Variants in ZFYVE9 observed in about 807,000 individuals in gnomAD.
ZFYVE9 encodes zinc finger FYVE domain-containing protein 9.
In ZFYVE9, 43 loss-of-function variants were observed where a neutral mutation model predicts 126.7. That is an observed-to-expected ratio of 0.34 (90% CI 0.27 to 0.44). The LOEUF (loss-of-function observed/expected upper bound fraction) is 0.44, where lower values mean the gene tolerates loss of function less well. Ranked by LOEUF, ZFYVE9 falls within the 20% of genes least tolerant of loss-of-function variation. The pLI is 1.00. For synonymous variants in ZFYVE9, 521 were observed against 597.4 expected (o/e 0.87, Z 1.87); for missense variants, 1,476 against 1,697.0 (o/e 0.87, Z 2.29).
chr1:52,303,685 A>T, intron 12 of ZFYVE9, 136 bp from the exon 13 acceptor site: 1 of 497,732 alleles, frequency 2.0e-6, no homozygotes, highest in Non-Finnish European at 3.4e-6. Flanking sequence ...GGCTTTCATT[A>T]TACATTTCCT....
chr1:52,274,136 A>C (rs995063035), intron 7 of ZFYVE9, among the ~76,000 whole-genome samples: 1 of 152,166 alleles, frequency 6.6e-6, no homozygotes, highest in African/African-American at 2.4e-5. Flanking sequence ...TTCTTTTGCC[A>C]CTACAGTTTT....
intron 2 of ZFYVE9, among the ~76,000 whole-genome samples, chr1:52,219,938 C>T (rs571127561): frequency 1.1e-4 from 16 of 151,980 alleles, no homozygotes; most frequent in Admixed American, 3.9e-4. Context: ...CCACCACGCC[C>T]GGCTAATTTT....
chr1:52,278,694 C>G (rs1645772448), intron 9 of ZFYVE9, 80 bp downstream of exon 9: 3 of 875,876 alleles, frequency 3.4e-6, no homozygotes, highest in Non-Finnish European at 5.0e-6. Flanking sequence ...TTATTACACA[C>G]AAGTATTTTT....
Position 52,332,820 on chromosome 1 carries a change from G to A in ZFYVE9, c.3491G>A (p.Cys1164Tyr). The part of the protein sequence containing the change: ...SNEHVLAGGA[C>Y]FNEKADSHLV... Reference sequence around the variant, plus strand: ...GAGCATGTCCTGGCAGGAGGTGCCTGCTTCAATGAAAAGGCAGACTCTCAT... The same window carrying A: ...GAGCATGTCCTGGCAGGAGGTGCCTACTTCAATGAAAAGGCAGACTCTCAT... The change falls in exon 14 of 19, where the codon TGC becomes TAC. Residue 1164 changes from cysteine (C) to tyrosine (Y), a missense_variant. Cys to Tyr is a radical substitution (Grantham distance 194, BLOSUM62 -2). This residue lies in a region of ZFYVE9 where 669 missense variants were observed against 902.4 expected (regional missense o/e 0.74). Transcript: ENST00000287727. 6.2e-7 allele frequency: 1 copy of A among 1,614,116 alleles called. No individual in the cohort carries two copies. The highest frequency in any genetic ancestry group is 8.5e-7 in the Non-Finnish European group (1 of 1,180,026).
intron 6 of ZFYVE9, among the ~76,000 whole-genome samples, chr1:52,267,349 TGA>T (rs1272133553): frequency 2.6e-5 from 4 of 152,240 alleles, no homozygotes; most frequent in Non-Finnish European, 5.9e-5. Context: ...ACTTTAATTC[TGA>T]TTATATCATA....
At chr1:52,316,165 CAA>C (rs367815611) in intron 13 of ZFYVE9, among the ~76,000 whole-genome samples, 4 of 39,218 alleles carry the variant, frequency 1.0e-4, no homozygotes, top group Admixed American at 8.9e-4. Flanking sequence ...AACTCCATCT[CAA>C]AAAAAAAAAA....
chr1:52,222,273 C>A (rs1427725911), intron 2 of ZFYVE9, among the ~76,000 whole-genome samples: 1 of 152,158 alleles, frequency 6.6e-6, no homozygotes, highest in Non-Finnish European at 1.5e-5. Flanking sequence ...CCAAATAGAT[C>A]TGGGGACTCT....
intron 1 of ZFYVE9, among the ~76,000 whole-genome samples, chr1:52,204,508 C>G (rs2124575000): frequency 6.6e-6 from 1 of 152,258 alleles, no homozygotes. Context: ...GGGCAGACCA[C>G]TTGAGGTCAG....
At chr1:52,145,341 C>T (rs1488044171) in intron 1 of ZFYVE9, among the ~76,000 whole-genome samples, 1 of 152,152 alleles carries the variant, frequency 6.6e-6, no homozygotes, top group East Asian at 1.9e-4. Flanking sequence ...TTATGTGGCA[C>T]CTTGTAAACG....
chr1:52,221,729 C>T (rs1645126157), intron 2 of ZFYVE9, among the ~76,000 whole-genome samples: 1 of 152,138 alleles, frequency 6.6e-6, no homozygotes, highest in Non-Finnish European at 1.5e-5. Context: ...AAGGCCACTC[C>T]TTTGCTTATA....
At chr1:52,324,619 T>A (rs1646273987) in intron 13 of ZFYVE9, among the ~76,000 whole-genome samples, 1 of 152,222 alleles carries the variant, frequency 6.6e-6, no homozygotes, top group African/African-American at 2.4e-5. Flanking sequence ...TCTCCTCCAT[T>A]TTCCTGTTGT....
intron 1 of ZFYVE9, among the ~76,000 whole-genome samples, chr1:52,202,426 T>TG (rs779410879): frequency 2.2e-4 from 33 of 152,034 alleles, no homozygotes; most frequent in Admixed American, 1.2e-3. Context: ...ATTACAGGCT[T>TG]GCGCCACTAC....
chr1:52,169,228 C>T (rs961376339), intron 1 of ZFYVE9, among the ~76,000 whole-genome samples: 13 of 151,982 alleles, frequency 8.6e-5, no homozygotes, highest in Admixed American at 3.9e-4. Flanking sequence ...TGATAAAACC[C>T]AATCTCTACA....
chr1:52,154,473 T>C (rs562192283), intron 1 of ZFYVE9, among the ~76,000 whole-genome samples: 1 of 152,368 alleles, frequency 6.6e-6, no homozygotes, highest in East Asian at 1.9e-4. Flanking sequence ...TTGCCACTTC[T>C]GGGTGACCGA....
chr1:52,209,642 T>A (rs1162204067), intron 1 of ZFYVE9, among the ~76,000 whole-genome samples: 1 of 152,188 alleles, frequency 6.6e-6, no homozygotes, highest in African/African-American at 2.4e-5. Flanking sequence ...GTTTTCAAGG[T>A]CCATTCATGT....
intron 1 of ZFYVE9, among the ~76,000 whole-genome samples, chr1:52,147,241 A>G (rs1333544819): frequency 2.0e-5 from 3 of 152,178 alleles, no homozygotes; most frequent in African/African-American, 7.2e-5. Context: ...TAATACTTAT[A>G]TTTTTCTTTT....
intron 4 of ZFYVE9, among the ~76,000 whole-genome samples, chr1:52,248,927 T>C (rs1557479902): frequency 1.3e-5 from 2 of 152,340 alleles, no homozygotes; most frequent in Middle Eastern, 3.4e-3. Context: ...TCTTTGGCTC[T>C]GTGTCCCCAC....
chr1:52,258,348 A>G (rs1285348984), intron 4 of ZFYVE9, among the ~76,000 whole-genome samples: 3 of 152,160 alleles, frequency 2.0e-5, no homozygotes, highest in Non-Finnish European at 4.4e-5. Context: ...TAGCTTAGAG[A>G]ACTGGGGAAG....
intron 1 of ZFYVE9, chr1:52,163,124 C>T (rs2124514365): frequency 9.1e-6 from 2 of 219,554 alleles, no homozygotes; most frequent in South Asian, 1.5e-4. Context: ...TCAAAATAGC[C>T]TTAAAAAAAT....
Sources: gnomAD v4.1 joint callset for allele counts (sites outside exome capture counted in the v4.1 genomes callset) on GRCh38, gnomAD v4.1.1 for gene constraint, gnomAD v4.1.1 regional missense constraint, MANE v1.5 for transcripts, NCBI Gene and HGNC (gene_info 2026-07-23, HGNC 2026-07-21) for gene names.